The following MYT1L variants were observed in gnomAD, a reference collection of about 807,000 sequenced individuals.
The protein encoded by MYT1L is myelin transcription factor 1 like.
In MYT1L, 12 loss-of-function variants were observed where a neutral mutation model predicts 126.7. The ratio of observed to expected loss-of-function variants is 0.09; its 90% CI spans 0.06 to 0.15. MYT1L has a LOEUF of 0.15. MYT1L is among the 10% of genes least tolerant of loss of function. The pLI is 1.00. For missense variants in MYT1L, 979 were observed against 1,585.2 expected, an observed-to-expected ratio of 0.62 and a Z score of 6.49; for synonymous variants, 541 against 604.2, an observed-to-expected ratio of 0.90 and a Z score of 1.53.
chr2:2,270,187 C>T lies in MYT1L; in HGVS notation c.-421+14217G>A, dbSNP rs533168282. Among the ~76,000 whole-genome samples the T allele has an allele frequency of 5.3e-5, 8 of 152,310 alleles. No individual in the cohort carries two copies. In the East Asian group the frequency reaches 9.7e-4, roughly 18 times the overall value. On this transcript the variant is annotated intron_variant, in intron 2 of 24. Transcript: ENST00000647738. Reference sequence around the variant, plus strand: ...GTCTGCAACCCAGGGAGGGAGCCCTCGCCACACACCAGATGTGCAGGCACC... The same window carrying T: ...GTCTGCAACCCAGGGAGGGAGCCCTTGCCACACACCAGATGTGCAGGCACC...
At position 2,122,259 on chromosome 2, in the gene MYT1L, T is replaced by G. The variant is rs530218207; in HGVS notation, c.-304+50613A>C. ...GTATGTGCCATCTTGGACGATGTAT[T>G]TGACCTTTCTGTACCTCGGTTTACT... On this transcript the variant is annotated intron_variant, in intron 3 of 24. Transcript: ENST00000647738. 2.0e-5 allele frequency among the ~76,000 whole-genome samples: 3 copies of G among 152,310 alleles called. No homozygotes were observed. The South Asian group carries it at 6.2e-4, about 32-fold the overall frequency.
At chr2:1,995,392 A>G (rs2061751923) in intron 5 of MYT1L, among the ~76,000 whole-genome samples, 1 of 152,200 alleles carries the variant, frequency 6.6e-6, no homozygotes, top group Admixed American at 6.5e-5. Context: ...CATGAGAGAA[A>G]TGCACCGCTA....
rs1574973508 is a variant in MYT1L, at chr2:2,070,833, G to A, written c.-303-16710C>T. Among the ~76,000 whole-genome samples the A allele has an allele frequency of 2.0e-5, 3 of 152,212 alleles. No individual in the cohort carries two copies. The East Asian group carries it at 5.8e-4, about 29-fold the overall frequency. On this transcript the variant is annotated intron_variant, in intron 3 of 24. Transcript: ENST00000647738. Reference sequence around the variant, plus strand: ...CATGTACATCATTACTTATTTGAGTGTCCTTGGAAAAGTCATTTAATATCG... The same window carrying A: ...CATGTACATCATTACTTATTTGAGTATCCTTGGAAAAGTCATTTAATATCG...
rs77896473 is a variant in MYT1L at position 1,861,806 on chromosome 2, A to G, written c.2712-10103T>C. On this transcript the variant is annotated intron_variant, in intron 18 of 24. Transcript: ENST00000647738. ...ATCTGCCTGCAGACTGTGTAATCCT[A>G]GATCTGCCTGCAGCCTGTGTAATCC... is the stretch of plus-strand genomic sequence containing the variant. Among the ~76,000 whole-genome samples the G allele has an allele frequency of 5.5e-5, 7 of 128,316 alleles. No homozygotes were observed. In the South Asian group the frequency reaches 7.6e-4, roughly 14 times the overall value. The allele number at this position is 128,316 out of a possible 152,430, so 84.2% of individuals were successfully genotyped here.
At chr2:2,282,439 G>A (rs768309888) in intron 2 of MYT1L, among the ~76,000 whole-genome samples, 51 of 152,296 alleles carry the variant, frequency 3.3e-4, no homozygotes, top group African/African-American at 1.1e-3. Flanking sequence ...ATGGCAGACC[G>A]TTCAAACACT....
intron 8 of MYT1L, among the ~76,000 whole-genome samples, chr2:1,968,206 C>G (rs535214633): frequency 4.6e-5 from 7 of 152,298 alleles, no homozygotes; most frequent in Non-Finnish European, 7.4e-5. Context: ...GACTCTCCAG[C>G]CTTCCTGACG....
chr2:2,062,480 A>G (rs57538376), intron 3 of MYT1L, among the ~76,000 whole-genome samples: 10,717 of 152,238 alleles, frequency 0.07, 450 homozygotes, highest in African/African-American at 0.1. Context: ...GCCATCACCC[A>G]GTCCCTGCCC....
chr2:2,143,981 C>T (rs972990524), intron 3 of MYT1L, among the ~76,000 whole-genome samples: 4 of 151,656 alleles, frequency 2.6e-5, no homozygotes, highest in Non-Finnish European at 4.4e-5. Flanking sequence ...GAGGGAGGGG[C>T]GCAAGGGTTG....
chr2:1,944,307 G>C (rs1304654349), intron 8 of MYT1L, among the ~76,000 whole-genome samples: 2 of 152,020 alleles, frequency 1.3e-5, no homozygotes, highest in Non-Finnish European at 2.9e-5. Flanking sequence ...GAGAAAGAAT[G>C]ATTTTCAAAG....
intron 2 of MYT1L, among the ~76,000 whole-genome samples, chr2:2,283,894 C>A (rs1271829587): frequency 1.3e-5 from 2 of 152,124 alleles, no homozygotes; most frequent in Admixed American, 6.5e-5. Flanking sequence ...CCTCAGTTTC[C>A]TCATGTCTAA....
At chr2:2,063,739 T>G (rs138405878) in intron 3 of MYT1L, among the ~76,000 whole-genome samples, 2,902 of 152,090 alleles carry the variant, frequency 0.019, 93 homozygotes, top group African/African-American at 0.066. Flanking sequence ...AGCTACTCGG[T>G]ATGCTGAGGG....
At position 2,144,905 on chromosome 2, in the gene MYT1L, C is replaced by T. The variant is rs137875062; in HGVS notation, c.-304+27967G>A. Among the ~76,000 whole-genome samples the T allele has an allele frequency of 6.1e-3, 922 of 152,206 alleles. 12 individuals are homozygous for T. The highest frequency in any genetic ancestry group is 0.021 in the African/African-American group (887 of 41,518). ...CAAAGAATATTGCAGTGAATTATAC[C>T]TTTAATTATATCATTATTCTTATAA... is the stretch of plus-strand genomic sequence containing the variant. On this transcript the variant is annotated intron_variant, in intron 3 of 24. Transcript: ENST00000647738.
chr2:1,889,230 A>C lies in MYT1L; in HGVS notation c.2520+11T>G. The C allele has an allele frequency of 6.2e-7, 1 of 1,604,396 alleles. No homozygotes were observed. The highest frequency in any genetic ancestry group is 8.5e-7 in the Non-Finnish European group (1 of 1,172,528). On this transcript the variant is annotated intron_variant, in intron 16 of 24. Transcript: ENST00000647738. The surrounding 1 kb of genome is among the most constrained non-coding windows in gnomAD (Gnocchi z 4.1). ...CTGGCAGTCAACACAGGCTCAATGA[A>C]AAGGACATACAGTAATGTCTTTGGA...
chr2:1,832,412 T>A (rs2040312351), intron 21 of MYT1L, among the ~76,000 whole-genome samples: 1 of 152,214 alleles, frequency 6.6e-6, no homozygotes, highest in South Asian at 2.1e-4. Flanking sequence ...AAGATACCCA[T>A]GGCGTTCAAG....
rs2094364654 is a variant in MYT1L at position 2,238,189 on chromosome 2, T to G, written c.-421+46215A>C. On this transcript the variant is annotated intron_variant, in intron 2 of 24. Transcript: ENST00000647738. The stretch of plus-strand genomic sequence containing the variant: ...GGGGCATCTGAATTGCTGTATTAAC[T>G]TATTGTAAGGAAGGTAAATCAAGGT... Among the ~76,000 whole-genome samples the G allele has an allele frequency of 2.0e-5, 3 of 152,280 alleles. No homozygotes were observed. In the South Asian group the frequency reaches 6.2e-4, roughly 32 times the overall value.
At chr2:2,317,952 C>A (rs945470781) in intron 1 of MYT1L, among the ~76,000 whole-genome samples, 1 of 152,118 alleles carries the variant, frequency 6.6e-6, no homozygotes, top group Non-Finnish European at 1.5e-5. Context: ...CACATGCTCC[C>A]CAGTCAAAGG....
chr2:1,911,959 G>T lies in MYT1L; in HGVS notation c.1709+61C>A, dbSNP rs569473048. On this transcript the variant is annotated intron_variant, in intron 12 of 24. Coordinates refer to ENST00000647738, the MANE Select transcript of MYT1L (RefSeq NM_001303052.2). ...TGGAGCGTGGTAGGCCCCCCAGGAA[G>T]GAGAAGGCATGGAGAGCAGCCGGTG... 7.5e-6 allele frequency: 10 copies of T among 1,335,960 alleles called. No individual in the cohort carries two copies. The South Asian group carries it at 1.5e-4, about 20-fold the overall frequency. The allele number at this position is 1,335,960 out of a possible 1,614,324, so 82.8% of individuals were successfully genotyped here.
intron 3 of MYT1L, among the ~76,000 whole-genome samples, chr2:2,082,455 G>A (rs1021175306): frequency 3.3e-5 from 5 of 152,166 alleles, no homozygotes; most frequent in East Asian, 3.9e-4. Context: ...GGTGACAAGG[G>A]CAGTTGTCAC....
intron 3 of MYT1L, among the ~76,000 whole-genome samples, chr2:2,102,033 GAAT>G (rs2078153085): frequency 6.6e-6 from 1 of 152,146 alleles, no homozygotes; most frequent in Non-Finnish European, 1.5e-5. Flanking sequence ...GCCCTTTCCT[GAAT>G]ACATTATCTC....
Sources: allele counts gnomAD v4.1 joint callset (sites outside exome capture counted in the v4.1 genomes callset), GRCh38; gene constraint gnomAD v4.1.1; non-coding constraint Gnocchi (gnomAD v3.1); transcripts MANE v1.5; gene names NCBI Gene and HGNC (gene_info 2026-07-23, HGNC 2026-07-21).